The following PLCG2 variants were observed in gnomAD, a reference collection of about 807,000 sequenced individuals.
PLCG2 encodes the protein phospholipase C gamma 2.
Under a neutral mutation model 175.6 loss-of-function variants are expected in PLCG2, and 69 were observed. That is an observed-to-expected ratio of 0.39 (90% confidence interval 0.32 to 0.48). The LOEUF is 0.48. Ranked by LOEUF, PLCG2 falls within the 20% of genes least tolerant of loss-of-function variation. The pLI, the probability that PLCG2 is intolerant of heterozygous loss-of-function variation, is 0.91. For synonymous variants in PLCG2, 827 were observed against 624.0 expected, an observed-to-expected ratio of 1.33 and a Z score of -4.85; for missense variants, 1,798 against 1,650.9, an observed-to-expected ratio of 1.09 and a Z score of -1.54.
intron 9 of PLCG2, among the ~76,000 whole-genome samples, chr16:81,884,465 A>G (rs1423114608): frequency 1.1e-4 from 17 of 151,934 alleles, no homozygotes; most frequent in Admixed American, 1.1e-3. Context: ...AGTGAGATCA[A>G]CTTGAAATCA....
chr16:81,874,026 T>C (rs1907648021), intron 7 of PLCG2, among the ~76,000 whole-genome samples: 1 of 152,206 alleles, frequency 6.6e-6, no homozygotes. Context: ...TGTGGAACTT[T>C]GTATGGCAAA....
chr16:81,785,878 A>C (rs946416159), intron 1 of PLCG2, 65 bp from the exon 2 acceptor site: 18 of 1,000,156 alleles, frequency 1.8e-5, no homozygotes, highest in Non-Finnish European at 2.7e-5. Context: ...CCTGAAGTTC[A>C]TGCCCTGTTA....
At chr16:81,768,646 A>C (rs1271241755) in intron 2 of PLCG2, among the ~76,000 whole-genome samples, 2 of 142,092 alleles carry the variant, frequency 1.4e-5, no homozygotes, top group African/African-American at 5.3e-5. Flanking sequence ...GCTCACTGCA[A>C]CCTCCGCCTC....
intron 13 of PLCG2, among the ~76,000 whole-genome samples, chr16:81,896,568 A>G (rs1222814220): frequency 2.0e-5 from 3 of 152,130 alleles, no homozygotes; most frequent in Non-Finnish European, 4.4e-5. Context: ...ACAGAGCGAG[A>G]CCCTGTCTCA....
chr16:81,783,040 G>T, intron 1 of PLCG2: 1 of 443,586 alleles, frequency 2.3e-6, no homozygotes, highest in East Asian at 7.0e-5. Flanking sequence ...GGAAGTAACT[G>T]GGACCCTGGG....
chr16:81,771,384 C>T (rs931114994), intron 2 of PLCG2, among the ~76,000 whole-genome samples: 1 of 152,172 alleles, frequency 6.6e-6, no homozygotes, highest in Admixed American at 6.5e-5. Flanking sequence ...CTTCTAAAAG[C>T]ACTGATGAGT....
intron 13 of PLCG2, chr16:81,898,185 T>C (rs1315622731): frequency 1.0e-5 from 2 of 196,074 alleles, no homozygotes; most frequent in Non-Finnish European, 2.1e-5. Context: ...CTAGAGGAAG[T>C]TTTTTCTGGT....
intron 17 of PLCG2, among the ~76,000 whole-genome samples, chr16:81,909,157 G>A (rs1052250165): frequency 3.3e-5 from 5 of 152,254 alleles, no homozygotes; most frequent in African/African-American, 9.6e-5. Flanking sequence ...CAATGTCTTT[G>A]TCCTCCTGGA....
intron 2 of PLCG2, among the ~76,000 whole-genome samples, chr16:81,827,826 C>T (rs1159947126): frequency 1.3e-5 from 2 of 152,062 alleles, no homozygotes; most frequent in East Asian, 3.9e-4. Flanking sequence ...CACGGTGGTT[C>T]ATGCCTGTAA....
At chr16:81,890,566 G>C (rs1908582913) in intron 10 of PLCG2, among the ~76,000 whole-genome samples, 1 of 152,190 alleles carries the variant, frequency 6.6e-6, no homozygotes, top group African/African-American at 2.4e-5. Context: ...CCACCAGGGA[G>C]AGTTGAACCA....
At chr16:81,939,006 CTT>C in intron 29 of PLCG2, 91 bp downstream of exon 29, 4 of 731,030 alleles carry the variant, frequency 5.5e-6, no homozygotes, top group Non-Finnish European at 9.6e-6. Flanking sequence ...TTGCAATGCT[CTT>C]TAGTTGTCCC....
chr16:81,775,499 G>A (rs1910378930), upstream of PLCG2, among the ~76,000 whole-genome samples: 2 of 152,092 alleles, frequency 1.3e-5, no homozygotes, highest in Non-Finnish European at 2.9e-5. Context: ...CCTTGGTTTT[G>A]CCCCATGGGG....
Position 81,931,596 on chromosome 16 carries a change from A to T in PLCG2, c.2681A>T (p.Glu894Val). Residue 894 changes from glutamate to valine, a missense_variant, in exon 25 of 33, where the codon GAG (glutamate) becomes GTG (valine). Transcript: ENST00000564138. ...GTGGAGTTTGCCACAGACAGGGTGG[A>T]GGAGCTCTTTGAGTGGTTTCAGAGC... Reference protein sequence around the residue: ...PPVEFATDRVEELFEWFQSIR... With the variant: ...PPVEFATDRVVELFEWFQSIR... 6.2e-7 allele frequency: 1 copy of T among 1,614,076 alleles called. No individual in the cohort carries two copies. The highest frequency in any genetic ancestry group is 8.5e-7 in the Non-Finnish European group (1 of 1,179,958).
chr16:81,831,282 C>A (rs1905248131), intron 2 of PLCG2, among the ~76,000 whole-genome samples: 2 of 152,188 alleles, frequency 1.3e-5, no homozygotes, highest in Non-Finnish European at 2.9e-5. Flanking sequence ...GCTGTATCCC[C>A]AGCTCCCAGA....
upstream of PLCG2, among the ~76,000 whole-genome samples, chr16:81,778,077 C>CCA (rs1910530239): frequency 1.1e-5 from 1 of 94,316 alleles, no homozygotes; most frequent in Non-Finnish European, 2.2e-5. Flanking sequence ...AAAACACACA[C>CCA]ACACAAAAAA....
At chr16:81,890,112 A>G (rs776229923) in intron 10 of PLCG2, among the ~76,000 whole-genome samples, 8 of 152,250 alleles carry the variant, frequency 5.3e-5, no homozygotes, top group Non-Finnish European at 1.2e-4. Context: ...GAACGCCCGA[A>G]AAGACGTCTC....
At chr16:81,837,214 G>C (rs1905564534) in intron 2 of PLCG2, among the ~76,000 whole-genome samples, 1 of 152,222 alleles carries the variant, frequency 6.6e-6, no homozygotes, top group Middle Eastern at 3.2e-3. Flanking sequence ...AGTCAGAAAA[G>C]TGTGTGATCA....
intron 11 of PLCG2, among the ~76,000 whole-genome samples, chr16:81,892,652 T>TA (rs5818359): frequency 0.34 from 50,372 of 150,128 alleles, 10,293 homozygotes; most frequent in East Asian, 0.72. Flanking sequence ...AATACAAACT[T>TA]AAAAAAAAAA....
At chr16:81,760,479 AC>A (rs1256255238) in intron 2 of PLCG2, among the ~76,000 whole-genome samples, 1 of 152,150 alleles carries the variant, frequency 6.6e-6, no homozygotes, top group East Asian at 1.9e-4. Context: ...GAGCGTCCCT[AC>A]CCAAGCTGCA....
Sources: allele counts gnomAD v4.1 joint callset (sites outside exome capture counted in the v4.1 genomes callset), GRCh38; gene constraint gnomAD v4.1.1; transcripts MANE v1.5; gene names NCBI Gene and HGNC (gene_info 2026-07-23, HGNC 2026-07-21).